Variants in PCDHGB5 observed in about 807,000 individuals in gnomAD.
PCDHGB5 encodes the protein protocadherin gamma-B5.
PCDHGB5 carries 48 observed loss-of-function variants against 62.9 expected under a neutral mutation model. The observed-to-expected ratio is 0.76, with a 90% CI of 0.61 to 0.97. The LOEUF (loss-of-function observed/expected upper bound fraction) is 0.97, where lower values mean the gene tolerates loss of function less well. Among genes scored for constraint, PCDHGB5 ranks in the 50% least tolerant of loss-of-function variants. The pLI is 0.00. For missense variants in PCDHGB5, 1,118 were observed against 1,198.6 expected, an observed-to-expected ratio of 0.93 and a Z score of 0.99; for synonymous variants, 474 against 511.2, an observed-to-expected ratio of 0.93 and a Z score of 0.98.
chr5:141,462,646 A>G (rs1371582710), intron 1 of PCDHGB5, among the ~76,000 whole-genome samples: 1 of 137,316 alleles, frequency 7.3e-6, no homozygotes, highest in Non-Finnish European at 1.5e-5. Flanking sequence ...TTTCATTTCC[A>G]TCCTCAATTA....
rs1282403944 is a variant in PCDHGB5 at position 141,485,452 on chromosome 5, G to A, written c.2398-9355G>A. ...TCATCAAGAACCCAATCGACCGAGA[G>A]GCACTGTGTGGGCTCAGTGCCAGCT... On this transcript the variant is annotated intron_variant, in intron 1 of 3. Transcript: ENST00000617380. The surrounding 1 kb of genome is among the most constrained non-coding windows in gnomAD (Gnocchi z 5.7). 2.5e-6 allele frequency: 4 copies of A among 1,614,054 alleles called. No individual in the cohort carries two copies. Among genetic ancestry groups the A allele is most frequent in the East Asian group, 4.5e-5 (2 of 44,884 alleles).
In PCDHGB5 at chr5:141,413,348, T is replaced by C. The variant is rs1217580039; in HGVS notation, c.2397+12824T>C. On this transcript the variant is annotated intron_variant, in intron 1 of 3. Transcript: ENST00000617380. The stretch of plus-strand genomic sequence containing the variant: ...GGCAACATCTCCAAGGACTTGGGTC[T>C]GGCGCCCCGGGAGCTGGCGGAGCGC... The C allele has an allele frequency of 1.9e-6, 3 of 1,613,872 alleles. No homozygotes were observed. In the Admixed American group the frequency reaches 5.0e-5, roughly 27 times the overall value.
chr5:141,399,534 A>G lies in PCDHGB5; in HGVS notation c.1407A>G (p.Gln469=), dbSNP rs772655467. Residue 469 remains glutamine, a synonymous_variant, in exon 1 of 4, where the codon CAA becomes CAG. Transcript: ENST00000617380. ...ACCCTCCTGGGGCCTCCATCGCGCA[A>G]GTCTGCGCCTCGGACCTGGACTTGG... ...ENNPPGASIA[Q]VCASDLDLGL... The G allele has an allele frequency of 3.7e-6, 6 of 1,614,030 alleles. No individual in the cohort carries two copies. The highest frequency in any genetic ancestry group is 1.6e-4 in the Middle Eastern group (1 of 6,062).
intron 1 of PCDHGB5, chr5:141,417,205 C>G (rs1217296715): frequency 6.6e-6 from 1 of 151,986 alleles, no homozygotes; most frequent in Non-Finnish European, 1.5e-5. Context: ...TGAATATAGG[C>G]TAGAATTGAA....
chr5:141,498,827 G>C (rs2099786072), intron 2 of PCDHGB5, among the ~76,000 whole-genome samples: 1 of 152,102 alleles, frequency 6.6e-6, no homozygotes, highest in Non-Finnish European at 1.5e-5. Context: ...CAGCTACTCA[G>C]GAGGCTGAGG....
intron 1 of PCDHGB5, chr5:141,410,094 C>G: frequency 6.2e-7 from 1 of 1,612,646 alleles, no homozygotes; most frequent in Non-Finnish European, 8.5e-7. Context: ...ACGGCTCGAG[C>G]CTTAGGCGAC....
chr5:141,427,883 C>G (rs2097084423), intron 1 of PCDHGB5: 3 of 1,563,818 alleles, frequency 1.9e-6, no homozygotes, highest in Non-Finnish European at 1.7e-6. Flanking sequence ...TGCAGGCCCA[C>G]GACCAGGGCT....
At chr5:141,423,982 T>C in intron 1 of PCDHGB5, 3 of 1,106,134 alleles carry the variant, frequency 2.7e-6, no homozygotes, top group Non-Finnish European at 3.4e-6. Flanking sequence ...TGTATGAGGC[T>C]CTCAATTTAT....
intron 1 of PCDHGB5, chr5:141,404,270 C>T (rs1359018673): frequency 5.0e-6 from 8 of 1,614,010 alleles, no homozygotes; most frequent in Non-Finnish European, 6.8e-6. Flanking sequence ...TCACATCACC[C>T]TGCAAGTGAC....
At chr5:141,458,094 A>G (rs1036190372) in intron 1 of PCDHGB5, among the ~76,000 whole-genome samples, 3 of 152,260 alleles carry the variant, frequency 2.0e-5, no homozygotes, top group African/African-American at 7.2e-5. Context: ...AGTTAAGAGT[A>G]CTTACAGATA....
intron 1 of PCDHGB5, chr5:141,408,349 C>T: frequency 6.2e-7 from 1 of 1,613,924 alleles, no homozygotes; most frequent in Non-Finnish European, 8.5e-7. Context: ...TGGTGGGGAA[C>T]CTCGCTAAGG....
intron 1 of PCDHGB5, among the ~76,000 whole-genome samples, chr5:141,488,007 G>A (rs1269050547): frequency 6.6e-6 from 1 of 152,178 alleles, no homozygotes; most frequent in African/African-American, 2.4e-5. Flanking sequence ...ATCAGATTCT[G>A]AAGTACCTTA....
chr5:141,481,780 C>T (rs781334437), intron 1 of PCDHGB5, among the ~76,000 whole-genome samples: 3 of 152,016 alleles, frequency 2.0e-5, no homozygotes, highest in African/African-American at 7.2e-5. Flanking sequence ...GGTGAAACCC[C>T]GTCTCTACTA....
intron 1 of PCDHGB5, among the ~76,000 whole-genome samples, chr5:141,488,839 G>A (rs954244872): frequency 2.6e-5 from 4 of 152,206 alleles, no homozygotes; most frequent in African/African-American, 9.6e-5. Flanking sequence ...CAAGGGGGCT[G>A]AATCAACCTG....
Position 141,490,282 on chromosome 5 carries a change from C to T in PCDHGB5, c.2398-4525C>T, listed in dbSNP as rs763429413. 1.2e-6 allele frequency: 2 copies of T among 1,614,194 alleles called. No individual in the cohort carries two copies. The highest frequency in any genetic ancestry group is 1.7e-6 in the Non-Finnish European group (2 of 1,180,036). ...TGTGGGGGATGTCAATGACAATGCC[C>T]CAGAGGTGCTATTGGCCTCTTTGGC... On this transcript the variant is annotated intron_variant, in intron 1 of 3. Transcript: ENST00000617380. This position sits in a 1 kb window ranked among gnomAD's most constrained non-coding sequence, Gnocchi z 5.4.
intron 1 of PCDHGB5, among the ~76,000 whole-genome samples, chr5:141,472,991 AAAAAAAGAAAGAAAAAG>A (rs2099310051): frequency 6.6e-6 from 1 of 151,894 alleles, no homozygotes; most frequent in Admixed American, 6.6e-5. Flanking sequence ...AAAAAAAAAA[AAAAAAAGAAAGAAAAAG>A]AAAAAGAAAG....
At chr5:141,495,014 G>A (rs561045298) in intron 2 of PCDHGB5, 149 bp downstream of exon 2, 13 of 1,510,430 alleles carry the variant, frequency 8.6e-6, no homozygotes, top group South Asian at 7.5e-5. Flanking sequence ...GCGGGGGGCT[G>A]GCACACAGAC....
chr5:141,455,529 G>A (rs2098825323), intron 1 of PCDHGB5, among the ~76,000 whole-genome samples: 1 of 152,146 alleles, frequency 6.6e-6, no homozygotes, highest in Non-Finnish European at 1.5e-5. Flanking sequence ...GGTTTGACCA[G>A]GCATATCATT....
At chr5:141,471,492 G>A (rs912591449) in intron 1 of PCDHGB5, 1 of 152,176 alleles carries the variant, frequency 6.6e-6, no homozygotes, top group Non-Finnish European at 1.5e-5. Context: ...GGAATTTAGG[G>A]AATGCAAGAG....
Sources: allele counts gnomAD v4.1 joint callset (sites outside exome capture counted in the v4.1 genomes callset), GRCh38; gene constraint gnomAD v4.1.1; non-coding constraint Gnocchi (gnomAD v3.1); transcripts MANE v1.5; gene names NCBI Gene and HGNC (gene_info 2026-07-23, HGNC 2026-07-21).